Variants in PCDH15 observed in about 807,000 individuals in gnomAD.
PCDH15 encodes the protein protocadherin-15.
PCDH15 carries 129 observed loss-of-function variants against 178.5 expected under a neutral mutation model. That is an observed-to-expected ratio of 0.72 (90% CI 0.63 to 0.84). The LOEUF is 0.84. Among genes scored for constraint, PCDH15 ranks in the 40% least tolerant of loss-of-function variants. The pLI, the probability that PCDH15 is intolerant of heterozygous loss-of-function variation, is 0.00. For synonymous variants in PCDH15, 800 were observed against 732.0 expected (o/e 1.09, Z -1.50); for missense variants, 2,230 against 2,099.9 (o/e 1.06, Z -1.21).
At chr10:54,855,177 C>G (rs1953715018) in intron 3 of PCDH15, among the ~76,000 whole-genome samples, 2 of 152,202 alleles carry the variant, frequency 1.3e-5, no homozygotes, top group South Asian at 2.1e-4. Context: ...CAGGCATTTT[C>G]AAGCTTGCAA....
intron 1 of PCDH15, among the ~76,000 whole-genome samples, chr10:55,240,991 C>A (rs922337152): frequency 5.9e-5 from 9 of 152,204 alleles, no homozygotes; most frequent in Non-Finnish European, 1.3e-4. Context: ...CCAAGGCGGG[C>A]GGATCACGAG....
intron 25 of PCDH15, among the ~76,000 whole-genome samples, chr10:53,914,191 T>C (rs1054707636): frequency 3.3e-5 from 5 of 152,208 alleles, no homozygotes; most frequent in Admixed American, 1.3e-4. Context: ...TTAACCATTG[T>C]GGAAGACAGT....
chr10:54,418,848 A>G (rs571971223), intron 3 of PCDH15, among the ~76,000 whole-genome samples: 2 of 152,154 alleles, frequency 1.3e-5, no homozygotes, highest in East Asian at 3.9e-4. Context: ...AAGCTAAAAG[A>G]CAATAATATG....
At chr10:54,613,640 C>T (rs1286616688) in intron 2 of PCDH15, among the ~76,000 whole-genome samples, 1 of 151,530 alleles carries the variant, frequency 6.6e-6, no homozygotes, top group Non-Finnish European at 1.5e-5. Context: ...ATTTTTTGAA[C>T]AATCTGAAGA....
chr10:54,095,208 A>C (rs2094679891), intron 15 of PCDH15, among the ~76,000 whole-genome samples: 1 of 152,158 alleles, frequency 6.6e-6, no homozygotes, highest in Non-Finnish European at 1.5e-5. Context: ...TAAAGCTTTC[A>C]ATTCAGTACA....
At chr10:55,083,586 A>C (rs1418306885) in intron 2 of PCDH15, among the ~76,000 whole-genome samples, 1 of 151,918 alleles carries the variant, frequency 6.6e-6, no homozygotes, top group East Asian at 1.9e-4. Context: ...AGAGAAAGGA[A>C]TAAGGGGCAT....
intron 3 of PCDH15, among the ~76,000 whole-genome samples, chr10:54,425,795 C>T (rs1236072927): frequency 6.6e-6 from 1 of 152,072 alleles, no homozygotes; most frequent in African/African-American, 2.4e-5. Context: ...GGAATGGATA[C>T]TTAACTCAAG....
chr10:53,947,618 T>C (rs541617285), intron 23 of PCDH15, among the ~76,000 whole-genome samples: 1 of 151,952 alleles, frequency 6.6e-6, no homozygotes, highest in Non-Finnish European at 1.5e-5. Context: ...ATCAGAGTGA[T>C]CTAATTTTAC....
chr10:55,348,437 A>G (rs1386410505), intron 2 of PCDH15, among the ~76,000 whole-genome samples: 1 of 152,062 alleles, frequency 6.6e-6, no homozygotes, highest in Non-Finnish European at 1.5e-5. Context: ...ACGAGGCCCT[A>G]ATGCTTGCTG....
intron 28 of PCDH15, among the ~76,000 whole-genome samples, chr10:53,844,140 A>C (rs2077826525): frequency 6.6e-6 from 1 of 152,100 alleles, no homozygotes; most frequent in South Asian, 2.1e-4. Flanking sequence ...GTGTGTGGCC[A>C]GAGCAGATCA....
intron 1 of PCDH15, among the ~76,000 whole-genome samples, chr10:54,784,690 GTAATCCAA>G (rs1165762761): frequency 6.7e-6 from 1 of 149,570 alleles, no homozygotes; most frequent in Non-Finnish European, 1.5e-5. Context: ...GGAGAAAAAT[GTAATCCAA>G]GGAAAATTGT....
chr10:54,236,207 C>G (rs1412006381), intron 9 of PCDH15, among the ~76,000 whole-genome samples: 2 of 152,124 alleles, frequency 1.3e-5, no homozygotes, highest in African/African-American at 2.4e-5. Context: ...CATATTTCAG[C>G]AAAAGCAATC....
intron 20 of PCDH15, among the ~76,000 whole-genome samples, chr10:54,004,423 ACAC>A (rs143003931): frequency 0.4 from 48,160 of 121,220 alleles, 9,246 homozygotes; most frequent in Middle Eastern, 0.55. Context: ...ACACACACAC[ACAC>A]CACACAAAGT....
chr10:54,575,913 G>C (rs2090427323), intron 2 of PCDH15, among the ~76,000 whole-genome samples: 1 of 152,130 alleles, frequency 6.6e-6, no homozygotes, highest in Admixed American at 6.6e-5. Flanking sequence ...GGAATTGCTA[G>C]GGAGTAACTA....
At chr10:54,955,285 T>G (rs10763156) in intron 2 of PCDH15, among the ~76,000 whole-genome samples, 39 of 151,068 alleles carry the variant, frequency 2.6e-4, no homozygotes, top group African/African-American at 9.2e-4. Context: ...AAAAGAACTT[T>G]TGTTCTTTTG....
chr10:54,496,875 A>G (rs2137284474), intron 3 of PCDH15, among the ~76,000 whole-genome samples: 1 of 152,294 alleles, frequency 6.6e-6, no homozygotes, highest in East Asian at 1.9e-4. Flanking sequence ...TGTTGTATCC[A>G]TAACTTTACC....
intron 3 of PCDH15, among the ~76,000 whole-genome samples, chr10:54,510,114 T>A (rs1230573887): frequency 3.3e-5 from 5 of 152,230 alleles, no homozygotes; most frequent in African/African-American, 1.2e-4. Context: ...TGAATGTGGT[T>A]TTGTTCAGTT....
intron 2 of PCDH15, among the ~76,000 whole-genome samples, chr10:54,578,750 A>G (rs576430019): frequency 1.3e-5 from 2 of 152,256 alleles, no homozygotes; most frequent in East Asian, 1.9e-4. Flanking sequence ...TTCGAATGGC[A>G]TAAATTATTT....
chr10:55,405,105 T>C (rs1158711039), intron 2 of PCDH15, among the ~76,000 whole-genome samples: 1 of 151,446 alleles, frequency 6.6e-6, no homozygotes. Flanking sequence ...AATCAGGGCA[T>C]AAAATATAAG....
Sources: allele counts gnomAD v4.1 joint callset (sites outside exome capture counted in the v4.1 genomes callset), GRCh38; gene constraint gnomAD v4.1.1; transcripts MANE v1.5; gene names NCBI Gene and HGNC (gene_info 2026-07-23, HGNC 2026-07-21).